The following PCDHA11 variants were observed in gnomAD, a reference collection of about 807,000 sequenced individuals.
The protein encoded by PCDHA11 is protocadherin alpha-11.
PCDHA11 carries 61 observed loss-of-function variants against 70.3 expected under a neutral mutation model. That is an observed-to-expected ratio of 0.87 (90% CI 0.71 to 1.07). PCDHA11 has a LOEUF of 1.07. PCDHA11 is among the 50% of genes least tolerant of loss of function. The probability of loss-of-function intolerance (pLI) is 0.00; values close to 1 mark genes in which losing one functional copy is unlikely to be tolerated. For synonymous variants in PCDHA11, 633 were observed against 555.1 expected (o/e 1.14, Z -1.97); for missense variants, 1,324 against 1,237.5 (o/e 1.07, Z -1.05).
rs570631397 is a variant in PCDHA11, at chr5:140,879,658, A to G, written c.2391+8164A>G. Among the ~76,000 whole-genome samples the G allele has an allele frequency of 1.1e-4, 16 of 152,350 alleles. No homozygotes were observed. The South Asian group carries it at 3.1e-3, about 30-fold the overall frequency. ...TCGCTTCCTGTGGCTGCTATAACAA[A>G]CGAACACAAACTGGGTGCTGTAAAA... On this transcript the variant is annotated intron_variant, in intron 1 of 3. Transcript: ENST00000398640.
rs2095730579 is a variant in PCDHA11 at position 140,963,035 on chromosome 5, T to C, written c.2392-15914T>C. Among the ~76,000 whole-genome samples, 3 of 152,330 alleles carry C rather than the reference T, an allele frequency of 2.0e-5. No individual in the cohort carries two copies. The South Asian group carries it at 6.2e-4, about 32-fold the overall frequency. On this transcript the variant is annotated intron_variant, in intron 1 of 3. Transcript: ENST00000398640. ...AAGAAAATGAAGCAATTAACATTTA[T>C]TGAGAGTCTATAAGGGTTTCTACAT...
At chr5:140,957,252 A>C (rs557518275) in intron 1 of PCDHA11, among the ~76,000 whole-genome samples, 80 of 152,330 alleles carry the variant, frequency 5.3e-4, no homozygotes, top group African/African-American at 1.9e-3. Context: ...CCTAAAATTT[A>C]AATATGTAAG....
At chr5:140,909,353 T>C (rs2074452823) in intron 1 of PCDHA11, among the ~76,000 whole-genome samples, 1 of 152,156 alleles carries the variant, frequency 6.6e-6, no homozygotes, top group Non-Finnish European at 1.5e-5. Flanking sequence ...CCAAGAGATG[T>C]GTTAATTTGT....
At chr5:140,952,449 G>C (rs549255236) in intron 1 of PCDHA11, among the ~76,000 whole-genome samples, 1 of 152,242 alleles carries the variant, frequency 6.6e-6, no homozygotes. Context: ...AATACAGCCA[G>C]GCTCTTTGCT....
At chr5:140,917,336 G>T (rs1183036523) in intron 1 of PCDHA11, among the ~76,000 whole-genome samples, 1 of 144,856 alleles carries the variant, frequency 6.9e-6, no homozygotes, top group Non-Finnish European at 1.5e-5. Context: ...GGGGAGGGGG[G>T]GGATGGTGTA....
At chr5:140,904,642 C>G (rs1257685945) in intron 1 of PCDHA11, among the ~76,000 whole-genome samples, 2 of 152,132 alleles carry the variant, frequency 1.3e-5, no homozygotes, top group Non-Finnish European at 2.9e-5. Context: ...AATCTCCACA[C>G]TGTTTTCCAT....
chr5:140,927,245 A>G (rs1197319664), intron 1 of PCDHA11: 6 of 1,613,948 alleles, frequency 3.7e-6, no homozygotes, highest in South Asian at 2.2e-5. Flanking sequence ...CTGGACACCA[A>G]TGACAACTCA....
At position 140,870,277 on chromosome 5, in the gene PCDHA11, G is replaced by C; in HGVS notation, c.1174G>C (p.Val392Leu). Residue 392 changes from valine (V) to leucine (L), a missense_variant, in exon 1 of 4, where the codon GTT (valine) becomes CTT (leucine). Physicochemically the swap from Val to Leu is conservative, Grantham distance 32. Transcript: ENST00000398640. ...GQVTCSLTPH[V>L]PFKLVSTFKN... ...GGTGACCTGCTCGCTGACGCCCCAC[G>C]TTCCCTTCAAGCTGGTGTCCACCTT... The C allele has an allele frequency of 6.2e-7, 1 of 1,614,168 alleles. No homozygotes were observed. The highest frequency in any genetic ancestry group is 1.1e-5 in the South Asian group (1 of 91,086).
At position 140,972,838 on chromosome 5, in the gene PCDHA11, A is replaced by G. The variant is rs181315236; in HGVS notation, c.2392-6111A>G. Among the ~76,000 whole-genome samples the G allele has an allele frequency of 2.0e-4, 30 of 151,814 alleles. No individual in the cohort carries two copies. In the East Asian group the frequency reaches 5.8e-3, roughly 30 times the overall value. The stretch of plus-strand genomic sequence containing the variant: ...GCCACCACGCCTGGCTAATTTTTGT[A>G]TTTTTAGTAGAGATGGGGTTTCATC... On this transcript the variant is annotated intron_variant, in intron 1 of 3. Transcript: ENST00000398640.
At chr5:140,873,310 G>A (rs2054217209) in intron 1 of PCDHA11, among the ~76,000 whole-genome samples, 1 of 152,176 alleles carries the variant, frequency 6.6e-6, no homozygotes, top group Admixed American at 6.6e-5. Context: ...TAATAAAGGT[G>A]AATATTAGAT....
intron 1 of PCDHA11, chr5:140,876,605 A>T (rs1582292779): frequency 6.2e-7 from 1 of 1,614,060 alleles, no homozygotes; most frequent in South Asian, 1.1e-5. Context: ...TCGGATCGTG[A>T]CTCTGGAGCC....
intron 1 of PCDHA11, among the ~76,000 whole-genome samples, chr5:140,952,242 C>A (rs1469286013): frequency 6.6e-6 from 1 of 151,750 alleles, no homozygotes; most frequent in Admixed American, 6.6e-5. Flanking sequence ...CTGCTTAGAA[C>A]TGCTGGTGGA....
chr5:140,871,098 G>T lies in PCDHA11; in HGVS notation c.1995G>T (p.Leu665=), dbSNP rs2052704304. Residue 665 remains leucine, a synonymous_variant, in exon 1 of 4, where the codon CTG becomes CTT. Coordinates refer to ENST00000398640, the MANE Select transcript of PCDHA11 (RefSeq NM_018902.5). ...EPALTATATV[L]VSLVESGQAP... ...CGCTGACGGCCACGGCCACCGTGCT[G>T]GTGTCGTTGGTGGAGAGCGGACAGG... The T allele has an allele frequency of 2.5e-6, 4 of 1,613,192 alleles. No individual in the cohort carries two copies. Among genetic ancestry groups the T allele is most frequent in the Non-Finnish European group, 3.4e-6 (4 of 1,179,888 alleles).
intron 1 of PCDHA11, chr5:140,968,472 T>C (rs1554230782): frequency 6.2e-7 from 1 of 1,614,130 alleles, no homozygotes; most frequent in Non-Finnish European, 8.5e-7. Context: ...AACGTATATG[T>C]GGTGGACATG....
In PCDHA11 at chr5:140,877,160, C is replaced by A. The variant is rs782531082; in HGVS notation, c.2391+5666C>A. 4 of 1,613,814 alleles carry A rather than the reference C, an allele frequency of 2.5e-6. No individual in the cohort carries two copies. Among genetic ancestry groups the A allele is most frequent in the African/African-American group, 2.7e-5 (2 of 75,052 alleles). On this transcript the variant is annotated intron_variant, in intron 1 of 3. Transcript: ENST00000398640. ...GTGCTGGACGAGAACGACAACGCGC[C>A]GGCACTGCTGGCGACTCCGGCTGGC...
chr5:140,927,417 G>T (rs74597681), intron 1 of PCDHA11: 1 of 1,614,100 alleles, frequency 6.2e-7, no homozygotes, highest in Non-Finnish European at 8.5e-7. Flanking sequence ...ACATGGGATC[G>T]CGGGTTGACG....
chr5:140,987,797 T>A (rs967250070), intron 3 of PCDHA11, among the ~76,000 whole-genome samples: 23 of 152,308 alleles, frequency 1.5e-4, no homozygotes, highest in African/African-American at 4.3e-4. Flanking sequence ...AAGATTTTTT[T>A]AAAGTGCCTG....
At chr5:140,969,251 A>T in intron 1 of PCDHA11, 3 of 1,614,262 alleles carry the variant, frequency 1.9e-6, no homozygotes, top group Non-Finnish European at 2.5e-6. Context: ...AGTGACTGAC[A>T]GCAGGAATCT....
intron 1 of PCDHA11, among the ~76,000 whole-genome samples, chr5:140,947,713 T>G (rs1252298380): frequency 6.6e-6 from 1 of 151,618 alleles, no homozygotes; most frequent in African/African-American, 2.4e-5. Flanking sequence ...AGTATTGAGG[T>G]TTCAAAAGTT....
Sources: gnomAD v4.1 joint callset for allele counts (sites outside exome capture counted in the v4.1 genomes callset) on GRCh38, gnomAD v4.1.1 for gene constraint, MANE v1.5 for transcripts, NCBI Gene and HGNC (gene_info 2026-07-23, HGNC 2026-07-21) for gene names.